PRR29: variants seen among roughly 807,000 people sequenced by gnomAD.
PRR29 encodes the protein proline-rich protein 29.
A neutral mutation model predicts 25.1 loss-of-function variants in PRR29; 20 were observed. The ratio of observed to expected loss-of-function variants is 0.80; its 90% CI spans 0.56 to 1.16. PRR29 has a LOEUF of 1.16. PRR29 is among the 50% of genes most tolerant of loss of function. The pLI is 0.00. For missense variants in PRR29, 238 were observed against 246.6 expected, an observed-to-expected ratio of 0.97 and a Z score of 0.23; for synonymous variants, 108 against 102.6, an observed-to-expected ratio of 1.05 and a Z score of -0.32.
intron 3 of PRR29, chr17:63,999,363 A>G: frequency 2.0e-6 from 1 of 505,764 alleles, no homozygotes; most frequent in East Asian, 3.5e-5. Context: ...GCACCCTGGT[A>G]ACCCTGCCCC....
chr17:64,003,394 G>A lies in PRR29; in HGVS notation c.*1633G>A, dbSNP rs1025534999. The A allele has an allele frequency of 3.7e-6, 2 of 538,260 alleles. No individual in the cohort carries two copies. Among genetic ancestry groups the A allele is most frequent in the Admixed American group, 6.6e-5 (2 of 30,232 alleles). 33.3% of individuals were successfully genotyped at this position (538,260 alleles called of 1,614,324 possible). The stretch of plus-strand genomic sequence containing the variant: ...TGTGGAGGGGAGCCAAGGCCAGGGA[G>A]AGCCGTCAAGGTCATGGGGCTTGAT... On this transcript the variant is annotated 3_prime_UTR_variant, in exon 6 of 6. Transcript: ENST00000412177.
At chr17:63,999,205 G>T in intron 3 of PRR29, 131 bp downstream of exon 3, 1 of 714,518 alleles carries the variant, frequency 1.4e-6, no homozygotes, top group Non-Finnish European at 2.3e-6. Flanking sequence ...TCTCTGGCTG[G>T]GGCTGTTTGG....
rs1910826116 is a variant in PRR29 at position 64,002,265 on chromosome 17, G to T, written c.*504G>T. ...CAGCGCCCCTGAGCAGAGTCAGTTC[G>T]CTGGGCCCCCCACCCCTCATCCCAG... On this transcript the variant is annotated 3_prime_UTR_variant, in exon 6 of 6. Transcript: ENST00000412177. 1.9e-6 allele frequency: 1 copy of T among 515,820 alleles called. No individual in the cohort carries two copies. Among genetic ancestry groups the T allele is most frequent in the Admixed American group, 3.3e-5 (1 of 30,174 alleles). 32.0% of individuals were successfully genotyped at this position (515,820 alleles called of 1,614,324 possible).
Position 64,003,936 on chromosome 17 carries a change from C to G in PRR29, c.*2175C>G, listed in dbSNP as rs997090513. 1 of 1,613,490 alleles carries G rather than the reference C, an allele frequency of 6.2e-7. No individual in the cohort carries two copies. Among genetic ancestry groups the G allele is most frequent in the Non-Finnish European group, 8.5e-7 (1 of 1,179,718 alleles). On this transcript the variant is annotated 3_prime_UTR_variant, in exon 6 of 6. Coordinates refer to ENST00000412177, the MANE Select transcript of PRR29 (RefSeq NM_001164257.2). Reference sequence around the variant, plus strand: ...TGCCCACAGCCACCAAAGTGGGTTGCAGTGTCAGGATGACCTGCCTTGGAG... The same window carrying G: ...TGCCCACAGCCACCAAAGTGGGTTGGAGTGTCAGGATGACCTGCCTTGGAG...
rs1337281248 is a variant in PRR29 at position 64,001,946 on chromosome 17, T to C, written c.*185T>C. The C allele has an allele frequency of 1.3e-6, 2 of 1,535,120 alleles. No individual in the cohort carries two copies. Among genetic ancestry groups the C allele is most frequent in the Non-Finnish European group, 1.7e-6 (2 of 1,146,428 alleles). On this transcript the variant is annotated 3_prime_UTR_variant, in exon 6 of 6. Transcript: ENST00000412177. The stretch of plus-strand genomic sequence containing the variant: ...TCCCTGCCCCACGCCAATGAGTTCC[T>C]GGACGGGCCGGATCTGTGCTGTTGT...
At position 64,003,813 on chromosome 17, in the gene PRR29, G is replaced by A; in HGVS notation, c.*2052G>A. 1 of 1,614,246 alleles carries A rather than the reference G, an allele frequency of 6.2e-7. No homozygotes were observed. The highest frequency in any genetic ancestry group is 8.5e-7 in the Non-Finnish European group (1 of 1,180,054). On this transcript the variant is annotated 3_prime_UTR_variant, in exon 6 of 6. Transcript: ENST00000412177. ...GCGGAGCAGGGGCTGCCTTCCCGAA[G>A]GTCTCATAGTGCAGAGTCTCATTGC...
intron 1 of PRR29, 82 bp from the exon 2 acceptor site, chr17:63,998,625 A>G (rs1910292360): frequency 1.0e-6 from 1 of 994,448 alleles, no homozygotes; most frequent in East Asian, 2.8e-5. Flanking sequence ...TAGGGAGGCC[A>G]CTGGCCGGGG....
intron 3 of PRR29, among the ~76,000 whole-genome samples, chr17:64,000,575 C>T (rs1910584007): frequency 6.6e-6 from 1 of 151,606 alleles, no homozygotes; most frequent in Non-Finnish European, 1.5e-5. Flanking sequence ...GTGATCCGTC[C>T]GCCTCAGCCT....
At chr17:64,001,399 T>C in intron 4 of PRR29, 68 bp from the exon 5 acceptor site, 4 of 1,485,756 alleles carry the variant, frequency 2.7e-6, no homozygotes, top group Non-Finnish European at 3.6e-6. Flanking sequence ...TGGAGATAAC[T>C]TGTGGGTGAA....
In PRR29 at chr17:64,001,138, G is replaced by A. The variant is rs773756189; in HGVS notation, c.298G>A (p.Val100Met). 41 of 1,537,404 alleles carry A rather than the reference G, an allele frequency of 2.7e-5. No homozygotes were observed. The East Asian group carries it at 7.6e-4, about 28-fold the overall frequency. ...EPEEEEEEMD[V>M]REKGPLVFHH... is the part of the protein sequence containing the mutation. ...TGAGGAGGAGGAGGAGGAGATGGAC[G>A]TGCGGGAGAAAGGGCCTTTGGTGTT... The change falls in exon 4 of 6, where the codon GTG becomes ATG. Residue 100 changes from valine (V) to methionine (M), a missense_variant. Coordinates refer to ENST00000412177, the MANE Select transcript of PRR29 (RefSeq NM_001164257.2).
chr17:63,999,336 A>G (rs8080510), intron 3 of PRR29: 16,477 of 546,432 alleles, frequency 0.03, 1,541 homozygotes, highest in African/African-American at 0.23. Flanking sequence ...ACTGGACTTA[A>G]GGCTCCAGGA....
Position 63,998,413 on chromosome 17 carries a change from G to A in PRR29, c.49G>A (p.Ala17Thr). ...CTGGGGTCGCTCCCCACCGCAGAGC[G>A]CAGTCCCGACGGTGAGGGCTGAGCC... The part of the protein sequence containing the change: ...GSWGRSPPQS[A>T]VPTPWVTFLQ... Residue 17 changes from alanine to threonine, a missense_variant, in exon 1 of 6, where the codon GCA becomes ACA. Transcript: ENST00000412177. The A allele has an allele frequency of 6.0e-6, 9 of 1,500,360 alleles. No homozygotes were observed. The highest frequency in any genetic ancestry group is 1.3e-5 in the South Asian group (1 of 79,276). 92.9% of individuals were successfully genotyped at this position (1,500,360 alleles called of 1,614,324 possible).
Position 63,998,797 on chromosome 17 carries a change from T to TGCCCCCCCCCCCCCC in PRR29, c.136+15_136+16insGCCCCCCCCCCCCCC. ...CGTGAAGGAAGGTGAGACTCCCGGG[T>TGCCCCCCCCCCCCCC]CCCCCCACCCCACCCCCACCATCAC... On this transcript the variant is annotated intron_variant, in intron 2 of 5. Transcript: ENST00000412177. 1 of 1,062,588 alleles carries TGCCCCCCCCCCCCCC rather than the reference T, an allele frequency of 9.4e-7. No homozygotes were observed. The highest frequency in any genetic ancestry group is 1.3e-6 in the Non-Finnish European group (1 of 761,686). The allele number at this position is 1,062,588 out of a possible 1,614,324, so 65.8% of individuals were successfully genotyped here. A position where few individuals can be genotyped will look rare whatever the true frequency, so the allele number is the denominator to read the frequency against.
Position 63,998,423 on chromosome 17 carries a change from C to A in PRR29, c.59C>A (p.Thr20Lys). The A allele has an allele frequency of 1.3e-6, 2 of 1,489,044 alleles. No individual in the cohort carries two copies. The highest frequency in any genetic ancestry group is 1.8e-6 in the Non-Finnish European group (2 of 1,122,646). 92.2% of individuals were successfully genotyped at this position (1,489,044 alleles called of 1,614,324 possible). A position where few individuals can be genotyped will look rare whatever the true frequency, so the allele number is the denominator to read the frequency against. The change falls in exon 1 of 6, where the codon ACG becomes AAG. Residue 20 changes from threonine (T) to lysine (K), a missense_variant and splice_region_variant. By Grantham distance (78) the Thr-to-Lys change is moderately conservative. Transcript: ENST00000412177. ...TCCCCACCGCAGAGCGCAGTCCCGACGGTGAGGGCTGAGCCCGGGAGCAGA... is the reference window on the plus strand; with the variant it reads ...TCCCCACCGCAGAGCGCAGTCCCGAAGGTGAGGGCTGAGCCCGGGAGCAGA... ...GRSPPQSAVP[T>K]PWVTFLQPLS...
chr17:64,003,879 G>C lies in PRR29; in HGVS notation c.*2118G>C, dbSNP rs1327768746. On this transcript the variant is annotated 3_prime_UTR_variant, in exon 6 of 6. Coordinates refer to ENST00000412177, the MANE Select transcript of PRR29 (RefSeq NM_001164257.2). ...GGGTGAGGCTGTCCAGGGGCTCCAC[G>C]GTGGGCACCCTGCACTCAATGGTGA... 1 of 1,614,060 alleles carries C rather than the reference G, an allele frequency of 6.2e-7. No individual in the cohort carries two copies. The highest frequency in any genetic ancestry group is 8.5e-7 in the Non-Finnish European group (1 of 1,180,034).
chr17:64,001,495 A>G lies in PRR29; in HGVS notation c.499A>G (p.Ser167Gly). ...AGCTGTGCCCCCACCCCCACCCCCCAGTGCCACAGGGACTGTGGGTGCTGA... is the reference window on the plus strand; with the variant it reads ...AGCTGTGCCCCCACCCCCACCCCCCGGTGCCACAGGGACTGTGGGTGCTGA... ...VRAVPPPPPP[S>G]ATGTVGADVP... The change falls in exon 5 of 6, where the codon AGT (serine) becomes GGT (glycine). Residue 167 changes from serine (S) to glycine (G), a missense_variant. By Grantham distance (56) the Ser-to-Gly change is moderately conservative. Transcript: ENST00000412177. 2 of 1,493,810 alleles carry G rather than the reference A, an allele frequency of 1.3e-6. No individual in the cohort carries two copies. The highest frequency in any genetic ancestry group is 8.9e-7 in the Non-Finnish European group (1 of 1,127,420). The allele number at this position is 1,493,810 out of a possible 1,614,324, so 92.5% of individuals were successfully genotyped here. A position where few individuals can be genotyped will look rare whatever the true frequency, so the allele number is the denominator to read the frequency against.
intron 3 of PRR29, chr17:64,000,804 C>A (rs576372363): frequency 2.5e-6 from 1 of 396,998 alleles, no homozygotes; most frequent in Admixed American, 3.7e-5. Flanking sequence ...AGGCGCCCAC[C>A]ACCATGCCCA....
intron 5 of PRR29, 23 bp downstream of exon 5, chr17:64,001,560 C>T (rs943381595): frequency 1.7e-5 from 25 of 1,510,334 alleles, no homozygotes; most frequent in African/African-American, 1.1e-4. Context: ...TGGTGGGCAG[C>T]GGGGCCCAGG....
In PRR29 at chr17:64,001,886, A is replaced by G; in HGVS notation, c.*125A>G. 6 of 1,535,978 alleles carry G rather than the reference A, an allele frequency of 3.9e-6. No homozygotes were observed. The highest frequency in any genetic ancestry group is 4.4e-6 in the Non-Finnish European group (5 of 1,146,696). ...GCTGGCAGTCCTTCTCACTCCCTCA[A>G]CCTCAGCCAGGCCCTCTTCTCCTGG... On this transcript the variant is annotated 3_prime_UTR_variant, in exon 6 of 6. Transcript: ENST00000412177.
Sources: allele counts gnomAD v4.1 joint callset (sites outside exome capture counted in the v4.1 genomes callset), GRCh38; gene constraint gnomAD v4.1.1; transcripts MANE v1.5; gene names NCBI Gene and HGNC (gene_info 2026-07-23, HGNC 2026-07-21).